Variants in TNPO1 observed in about 807,000 individuals in gnomAD.
The protein encoded by TNPO1 is transportin-1.
A neutral mutation model predicts 119.5 loss-of-function variants in TNPO1; 8 were observed. The observed-to-expected ratio is 0.07, with a 90% CI of 0.04 to 0.12. The LOEUF is 0.12. Ranked by LOEUF, TNPO1 falls within the 10% of genes least tolerant of loss-of-function variation. The pLI is 1.00. For synonymous variants in TNPO1, 362 were observed against 363.0 expected (o/e 1.00, Z 0.03); for missense variants, 576 against 1,089.8 (o/e 0.53, Z 6.64).
chr5:72,867,600 T>G (rs1183306570), intron 6 of TNPO1, among the ~76,000 whole-genome samples: 1 of 152,204 alleles, frequency 6.6e-6, no homozygotes, highest in Non-Finnish European at 1.5e-5. Context: ...TTTAATAACA[T>G]AAGCAATCAG....
intron 4 of TNPO1, among the ~76,000 whole-genome samples, chr5:72,857,247 G>A (rs147584689): frequency 0.01 from 1,536 of 152,110 alleles, 9 homozygotes; most frequent in Non-Finnish European, 0.016. Flanking sequence ...GAACCCGGGA[G>A]GTGCAGGTTG....
chr5:72,877,454 C>T (rs1747881145), intron 9 of TNPO1, 108 bp downstream of exon 9: 1 of 580,680 alleles, frequency 1.7e-6, no homozygotes, highest in Non-Finnish European at 2.9e-6. Flanking sequence ...GAGTGAGATT[C>T]TAAAGAAGCC....
chr5:72,904,612 A>G (rs150428208), intron 23 of TNPO1, among the ~76,000 whole-genome samples: 3 of 152,312 alleles, frequency 2.0e-5, no homozygotes, highest in East Asian at 3.9e-4. Context: ...CCTGGCCAAC[A>G]TGGTGAAACG....
Position 72,887,232 on chromosome 5 carries a change from A to G in TNPO1, c.1303+10A>G. 8.5e-7 allele frequency: 1 copy of G among 1,183,080 alleles called. No individual in the cohort carries two copies. Among genetic ancestry groups the G allele is most frequent in the Non-Finnish European group, 1.2e-6 (1 of 859,370 alleles). The allele number at this position is 1,183,080 out of a possible 1,614,324, so 73.3% of individuals were successfully genotyped here. A position where few individuals can be genotyped will look rare whatever the true frequency, so the allele number is the denominator to read the frequency against. On this transcript the variant is annotated intron_variant, in intron 12 of 24. Coordinates refer to ENST00000337273, the MANE Select transcript of TNPO1 (RefSeq NM_002270.4). ...GGAGCAATTGCTGAAGGTAAGCCTA[A>G]GTCCAGTTTGAATTATGTAAGTTGG...
At position 72,905,326 on chromosome 5, in the gene TNPO1, AGTT is replaced by A. The variant is rs1750068388; in HGVS notation, c.2615_2617del (p.Val872del). 6.2e-7 allele frequency: 1 copy of A among 1,610,756 alleles called. No homozygotes were observed. The highest frequency in any genetic ancestry group is 1.3e-5 in the African/African-American group (1 of 74,782). On this transcript the variant is annotated inframe_deletion, in exon 24 of 25. Coordinates refer to ENST00000337273, the MANE Select transcript of TNPO1 (RefSeq NM_002270.4). ...AGATCCTTCATGGATTTAAAAATCA[AGTT>A]GGCGATGAAAATTGGAGGCGTTTCT... is the stretch of plus-strand genomic sequence containing the variant.
chr5:72,908,982 C>T lies in TNPO1; in HGVS notation c.*309C>T, dbSNP rs1561368921. The T allele has an allele frequency of 2.3e-6, 1 of 434,112 alleles. No individual in the cohort carries two copies. The highest frequency in any genetic ancestry group is 4.6e-6 in the Non-Finnish European group (1 of 217,204). 26.9% of individuals were successfully genotyped at this position (434,112 alleles called of 1,614,324 possible). ...AAATCTATTCAGTCTACTCACAAAA[C>T]AGTACATTGTGGAATATTATGGGGA... is the stretch of plus-strand genomic sequence containing the variant. On this transcript the variant is annotated 3_prime_UTR_variant, in exon 25 of 25. Coordinates refer to ENST00000337273, the MANE Select transcript of TNPO1 (RefSeq NM_002270.4).
Position 72,911,905 on chromosome 5 carries a change from A to G in TNPO1, c.*3232A>G, listed in dbSNP as rs1165755948. On this transcript the variant is annotated 3_prime_UTR_variant, in exon 25 of 25. Transcript: ENST00000337273. ...TCTAACAGAACAAAGCTGCTGATCA[A>G]CCTAAGTTGGAAACAGAAAGTGTAA... 6.6e-6 allele frequency: 1 copy of G among 152,486 alleles called. No individual in the cohort carries two copies. The highest frequency in any genetic ancestry group is 2.4e-5 in the African/African-American group (1 of 41,440). 9.4% of individuals were successfully genotyped at this position (152,486 alleles called of 1,614,324 possible).
chr5:72,887,238 G>A lies in TNPO1; in HGVS notation c.1303+16G>A, dbSNP rs1486045032. 3.4e-6 allele frequency: 4 copies of A among 1,181,488 alleles called. No individual in the cohort carries two copies. The highest frequency in any genetic ancestry group is 1.7e-5 in the African/African-American group (1 of 57,552). The allele number at this position is 1,181,488 out of a possible 1,614,324, so 73.2% of individuals were successfully genotyped here. ...ATTGCTGAAGGTAAGCCTAAGTCCA[G>A]TTTGAATTATGTAAGTTGGCTTCTT... On this transcript the variant is annotated intron_variant, in intron 12 of 24. Transcript: ENST00000337273.
rs1195830220 is a variant in TNPO1 at position 72,855,812 on chromosome 5, A to T, written c.244A>T (p.Asn82Tyr). The T allele has an allele frequency of 1.2e-6, 2 of 1,612,002 alleles. No individual in the cohort carries two copies. The highest frequency in any genetic ancestry group is 1.7e-6 in the Non-Finnish European group (2 of 1,179,598). The change falls in exon 4 of 25, where the codon AAT becomes TAT. Residue 82 changes from asparagine (N) to tyrosine (Y), a missense_variant. Asn to Tyr is a moderately radical substitution (Grantham distance 143, BLOSUM62 -2). Coordinates refer to ENST00000337273, the MANE Select transcript of TNPO1 (RefSeq NM_002270.4). ...ATCATTGAGTGGTCTTATCTTGAAG[A>T]ATAATGTGAAAGCACACTTTCAGAA... ...TRSLSGLILK[N>Y]NVKAHFQNFP...
chr5:72,881,425 A>G (rs1053684001), intron 9 of TNPO1, among the ~76,000 whole-genome samples: 1 of 152,172 alleles, frequency 6.6e-6, no homozygotes, highest in African/African-American at 2.4e-5. Flanking sequence ...AATAAACCAT[A>G]CTAACCCAAA....
At chr5:72,858,223 G>A (rs1203898798) in intron 4 of TNPO1, among the ~76,000 whole-genome samples, 1 of 149,162 alleles carries the variant, frequency 6.7e-6, no homozygotes, top group Non-Finnish European at 1.5e-5. Context: ...AGGTGGTTGT[G>A]GGTAGAAGTA....
In TNPO1 at chr5:72,909,910, A is replaced by AC. The variant is rs1241417216; in HGVS notation, c.*1237_*1238insC. ...AGTGTGATGTGCTTTCTGCATGGTT[A>AC]TATACTACTAGTGATTTTATCAAAA... On this transcript the variant is annotated 3_prime_UTR_variant, in exon 25 of 25. Transcript: ENST00000337273. The AC allele has an allele frequency of 6.6e-6, 1 of 152,596 alleles. No individual in the cohort carries two copies. Among genetic ancestry groups the AC allele is most frequent in the Non-Finnish European group, 1.5e-5 (1 of 68,022 alleles). 9.5% of individuals were successfully genotyped at this position (152,596 alleles called of 1,614,324 possible).
intron 9 of TNPO1, among the ~76,000 whole-genome samples, chr5:72,880,215 A>G (rs1229454281): frequency 6.6e-6 from 1 of 152,136 alleles, no homozygotes; most frequent in Non-Finnish European, 1.5e-5. Context: ...GCACCAGTGT[A>G]ACAAGGAGGA....
In TNPO1 at chr5:72,912,053, C is replaced by CAA. The variant is rs1750598652; in HGVS notation, c.*3381_*3382dup. 1 of 152,354 alleles carries CAA rather than the reference C, an allele frequency of 6.6e-6. No homozygotes were observed. The highest frequency in any genetic ancestry group is 2.4e-5 in the African/African-American group (1 of 41,328). 9.4% of individuals were successfully genotyped at this position (152,354 alleles called of 1,614,324 possible). A position where few individuals can be genotyped will look rare whatever the true frequency, so the allele number is the denominator to read the frequency against. On this transcript the variant is annotated 3_prime_UTR_variant, in exon 25 of 25. Coordinates refer to ENST00000337273, the MANE Select transcript of TNPO1 (RefSeq NM_002270.4). ...TGCTTTTTGTATTGTCTAATCTCTT[C>CAA]AATGACTTCATACTGTGTAAAAAAA...
At chr5:72,835,679 C>T (rs1744666244) in intron 1 of TNPO1, among the ~76,000 whole-genome samples, 1 of 152,192 alleles carries the variant, frequency 6.6e-6, no homozygotes, top group African/African-American at 2.4e-5. Flanking sequence ...TGGTAGGACA[C>T]ATTCAAATCA....
chr5:72,839,266 A>G (rs974780721), intron 1 of TNPO1, among the ~76,000 whole-genome samples: 2 of 152,182 alleles, frequency 1.3e-5, no homozygotes, highest in Non-Finnish European at 2.9e-5. Context: ...TAGGCTTATT[A>G]GAAGAGTTTA....
intron 1 of TNPO1, among the ~76,000 whole-genome samples, chr5:72,846,723 T>G (rs966269485): frequency 2.6e-5 from 4 of 152,328 alleles, no homozygotes; most frequent in Non-Finnish European, 4.4e-5. Context: ...GATCTCTATC[T>G]TGAGCTGGGT....
intron 5 of TNPO1, among the ~76,000 whole-genome samples, chr5:72,864,553 G>C (rs566015968): frequency 6.6e-6 from 1 of 152,124 alleles, no homozygotes; most frequent in East Asian, 1.9e-4. Flanking sequence ...TTTGTCACCA[G>C]TTACCCAGTG....
intron 1 of TNPO1, among the ~76,000 whole-genome samples, chr5:72,830,920 A>G (rs1744428120): frequency 1.3e-5 from 2 of 152,174 alleles, no homozygotes; most frequent in Admixed American, 6.5e-5. Context: ...GTGTATAGTC[A>G]TGAATGGTAT....
Sources: gnomAD v4.1 joint callset for allele counts (sites outside exome capture counted in the v4.1 genomes callset) on GRCh38, gnomAD v4.1.1 for gene constraint, MANE v1.5 for transcripts, NCBI Gene and HGNC (gene_info 2026-07-23, HGNC 2026-07-21) for gene names.